SLC12A3: variants seen among roughly 807,000 people sequenced by gnomAD.
The protein encoded by SLC12A3 is solute carrier family 12 member 3, also known as Na-Cl cotransporter.
Under a neutral mutation model 121.0 loss-of-function variants are expected in SLC12A3, and 104 were observed. That is an observed-to-expected ratio of 0.86 (90% CI 0.73 to 1.01). SLC12A3 has a LOEUF of 1.01. Ranked by LOEUF, SLC12A3 falls within the 50% of genes least tolerant of loss-of-function variation. The pLI is 0.00. For missense variants in SLC12A3, 1,328 were observed against 1,356.3 expected, an observed-to-expected ratio of 0.98 and a Z score of 0.33; for synonymous variants, 536 against 533.4, an observed-to-expected ratio of 1.00 and a Z score of -0.07.
In SLC12A3 at chr16:56,868,336, C is replaced by A. The variant is rs769551850; in HGVS notation, c.469C>A (p.Leu157Met). The A allele has an allele frequency of 1.2e-6, 2 of 1,613,980 alleles. No individual in the cohort carries two copies. Among genetic ancestry groups the A allele is most frequent in the Non-Finnish European group, 1.7e-6 (2 of 1,179,970 alleles). The change falls in exon 3 of 26, where the codon CTG (leucine) becomes ATG (methionine). Residue 157 changes from leucine (L) to methionine (M), a missense_variant. Coordinates refer to ENST00000563236, the MANE Select transcript of SLC12A3 (RefSeq NM_001126108.2). ...MLNIWGVILY[L>M]RLPWITAQAG... ...CAACATTTGGGGCGTGATCCTCTAC[C>A]TGCGGCTGCCCTGGATTACGGCCCA...
At chr16:56,910,136 G>C (rs1192609953) in intron 25 of SLC12A3, among the ~76,000 whole-genome samples, 1 of 152,134 alleles carries the variant, frequency 6.6e-6, no homozygotes, top group South Asian at 2.1e-4. Flanking sequence ...TATGGCTTGG[G>C]CCTCTATATG....
At chr16:56,894,368 G>A (rs13306679) in intron 21 of SLC12A3, among the ~76,000 whole-genome samples, 163 bp from the exon 22 acceptor site, 1 of 151,998 alleles carries the variant, frequency 6.6e-6, no homozygotes, top group Admixed American at 6.6e-5. Context: ...AGAGCACCGT[G>A]TGCGACTTGA....
chr16:56,903,433 C>G (rs1204027794), intron 24 of SLC12A3, among the ~76,000 whole-genome samples: 1 of 152,168 alleles, frequency 6.6e-6, no homozygotes, highest in African/African-American at 2.4e-5. Flanking sequence ...AGCTTACCCC[C>G]TGGGGGACAT....
intron 17 of SLC12A3, among the ~76,000 whole-genome samples, chr16:56,887,561 A>C (rs1330776986): frequency 1.3e-5 from 2 of 151,180 alleles, no homozygotes; most frequent in Non-Finnish European, 2.9e-5. Context: ...ACTTTCTCGG[A>C]ATGCCCAGGA....
chr16:56,876,720 T>C (rs1190709809), intron 8 of SLC12A3, among the ~76,000 whole-genome samples: 1 of 152,238 alleles, frequency 6.6e-6, no homozygotes, highest in Non-Finnish European at 1.5e-5. Flanking sequence ...TTGCTCCTAA[T>C]CTGCGGTGCC....
chr16:56,891,880 G>A (rs2055392675), intron 19 of SLC12A3, among the ~76,000 whole-genome samples: 1 of 152,206 alleles, frequency 6.6e-6, no homozygotes, highest in Admixed American at 6.5e-5. Context: ...TGAGGGGCAA[G>A]AGGAGGCCAT....
Position 56,894,512 on chromosome 16 carries a change from C to G in SLC12A3, c.2522-19C>G, listed in dbSNP as rs202196913. 2.6e-4 allele frequency: 411 copies of G among 1,573,324 alleles called. No individual in the cohort carries two copies. The highest frequency in any genetic ancestry group is 3.4e-4 in the Non-Finnish European group (391 of 1,145,708). ...CTGAGTGTATTCTTGTCATGACTCA[C>G]GGGGACTCTCCTTGCCAGGCCTCAC... On this transcript the variant is annotated intron_variant, in intron 21 of 25. Transcript: ENST00000563236.
At position 56,865,334 on chromosome 16, in the gene SLC12A3, A is replaced by G. The variant is rs1356733032; in HGVS notation, c.99A>G (p.Pro33=). ...STLLSSDEPS[P]PAAYDSSHPS... is the part of the protein sequence containing the mutation. The stretch of plus-strand genomic sequence containing the variant: ...TGCTGAGCAGTGATGAGCCCTCTCC[A>G]CCAGCTGCCTATGACAGCAGCCACC... Residue 33 remains proline (P), a synonymous_variant, in exon 1 of 26, where the codon CCA becomes CCG. Transcript: ENST00000563236. 1.2e-6 allele frequency: 2 copies of G among 1,614,016 alleles called. No individual in the cohort carries two copies. Among genetic ancestry groups the G allele is most frequent in the Admixed American group, 3.3e-5 (2 of 60,018 alleles).
At chr16:56,909,950 T>G (rs1250249157) in intron 25 of SLC12A3, among the ~76,000 whole-genome samples, 1 of 152,238 alleles carries the variant, frequency 6.6e-6, no homozygotes, top group African/African-American at 2.4e-5. Context: ...GGCCCCGGGT[T>G]TGAGCTCAGC....
At chr16:56,868,923 G>C (rs561232751) in intron 3 of SLC12A3, among the ~76,000 whole-genome samples, 98 of 151,660 alleles carry the variant, frequency 6.5e-4, no homozygotes, top group African/African-American at 2.3e-3. Context: ...AGTGAGCCGA[G>C]ATCACGCCAC....
intron 25 of SLC12A3, 42 bp from the exon 26 acceptor site, chr16:56,913,222 C>A (rs765618102): frequency 6.2e-7 from 1 of 1,613,676 alleles, no homozygotes. Context: ...GTGGAGCGGC[C>A]CCGTGGTAAT....
chr16:56,892,404 G>A (rs1052605814), intron 20 of SLC12A3, among the ~76,000 whole-genome samples: 2 of 152,140 alleles, frequency 1.3e-5, no homozygotes, highest in Non-Finnish European at 2.9e-5. Flanking sequence ...GCAGTGAGCT[G>A]TGACCGCACC....
intron 16 of SLC12A3, 37 bp downstream of exon 16, chr16:56,886,512 TG>T (rs1490053845): frequency 1.9e-6 from 3 of 1,547,456 alleles, no homozygotes; most frequent in Non-Finnish European, 2.7e-6. Flanking sequence ...GGACCAGGCA[TG>T]GTGGCTCATG....
In SLC12A3 at chr16:56,902,373, C is replaced by T. The variant is rs1215507502; in HGVS notation, c.2721C>T (p.His907=). 4.3e-6 allele frequency: 7 copies of T among 1,614,002 alleles called. No homozygotes were observed. The highest frequency in any genetic ancestry group is 3.4e-6 in the Non-Finnish European group (4 of 1,180,018). ...CCTCAACCCACTTTCTCGTCCCCAG[C>T]ACCAAGAGGTTTGAGGACATGATTG... The part of the protein sequence containing the change: ...PDINQNPRAE[H]TKRFEDMIAP... Residue 907 remains histidine (H), a splice_region_variant and synonymous_variant, in exon 24 of 26, where the codon CAC becomes CAT. Transcript: ENST00000563236.
chr16:56,865,275 AC>A lies in SLC12A3; in HGVS notation c.41del (p.Thr14IlefsTer13). 6.2e-7 allele frequency: 1 copy of A among 1,613,916 alleles called. No individual in the cohort carries two copies. The highest frequency in any genetic ancestry group is 8.5e-7 in the Non-Finnish European group (1 of 1,180,038). On this transcript the variant is annotated frameshift_variant, in exon 1 of 26. Transcript: ENST00000563236. LOFTEE classifies it high-confidence loss of function. ...LPTTETPGDA[T>X]LCSGRFTIST... is the part of the protein sequence containing the mutation. ...CACAACAGAGACGCCTGGGGACGCC[AC>A]TTTGTGCAGCGGGCGCTTCACCATC...
At position 56,913,728 on chromosome 16, in the gene SLC12A3, T is replaced by C. The variant is rs547389953; in HGVS notation, c.*323T>C. ...TTAAGAGTTCAGTCTTTGATTTGTA[T>C]GCAAATTGGAGTCCCAATGCTGGGC... is the stretch of plus-strand genomic sequence containing the variant. On this transcript the variant is annotated 3_prime_UTR_variant, in exon 26 of 26. Transcript: ENST00000563236. 2.4e-5 allele frequency: 9 copies of C among 375,856 alleles called. No individual in the cohort carries two copies. Among genetic ancestry groups the C allele is most frequent in the African/African-American group, 1.7e-4 (8 of 48,054 alleles). The allele number at this position is 375,856 out of a possible 1,614,324, so 23.3% of individuals were successfully genotyped here.
At chr16:56,886,544 G>A in intron 16 of SLC12A3, 69 bp downstream of exon 16, 2 of 1,394,078 alleles carry the variant, frequency 1.4e-6, no homozygotes, top group Non-Finnish European at 2.0e-6. Context: ...CAGCACTCTG[G>A]GGAGCCAAGA....
chr16:56,907,088 C>A, intron 25 of SLC12A3: 1 of 179,170 alleles, frequency 5.6e-6, no homozygotes, highest in Non-Finnish European at 1.2e-5. Flanking sequence ...TCTTCATTGA[C>A]AGGACAGAGG....
rs561213849 is a variant in SLC12A3 at position 56,908,562 on chromosome 16, A to C, written c.2924+4100A>C. Among the ~76,000 whole-genome samples the C allele has an allele frequency of 2.6e-5, 4 of 152,334 alleles. 1 individual carries two copies. The highest frequency in any genetic ancestry group is 5.9e-5 in the Non-Finnish European group (4 of 68,030). On this transcript the variant is annotated intron_variant, in intron 25 of 25. Coordinates refer to ENST00000563236, the MANE Select transcript of SLC12A3 (RefSeq NM_001126108.2). ...AAAAAAGAAGAATGTCAAGACGGTG[A>C]GAGCAGGGCATTAGATAAACAAGGG...
Sources: gnomAD v4.1 joint callset for allele counts (sites outside exome capture counted in the v4.1 genomes callset) on GRCh38, gnomAD v4.1.1 for gene constraint, MANE v1.5 for transcripts, NCBI Gene and HGNC (gene_info 2026-07-23, HGNC 2026-07-21) for gene names.